Variants in CSMD1 observed in about 807,000 individuals in gnomAD.
CSMD1 encodes the protein CUB and Sushi multiple domains 1.
CSMD1 carries 213 observed loss-of-function variants against 417.5 expected under a neutral mutation model. That is an observed-to-expected ratio of 0.51 (90% CI 0.46 to 0.57). The LOEUF (loss-of-function observed/expected upper bound fraction) is 0.57. Among genes scored for constraint, CSMD1 ranks in the 20% least tolerant of loss-of-function variants. The probability of loss-of-function intolerance (pLI) is 0.00; values close to 1 mark genes in which losing one functional copy is unlikely to be tolerated. For synonymous variants in CSMD1, 2,862 were observed against 1,736.8 expected (o/e 1.65, Z -16.11); for missense variants, 6,923 against 4,529.7 (o/e 1.53, Z -15.17).
intron 1 of CSMD1, among the ~76,000 whole-genome samples, chr8:4,670,256 T>G (rs1365777235): frequency 2.0e-5 from 3 of 152,218 alleles, no homozygotes; most frequent in African/African-American, 7.2e-5. Flanking sequence ...AGGCATGGCC[T>G]TTAGTCTCCT....
intron 10 of CSMD1, among the ~76,000 whole-genome samples, chr8:3,549,990 G>C (rs758283011): frequency 2.0e-5 from 3 of 152,172 alleles, no homozygotes; most frequent in African/African-American, 7.2e-5. Context: ...GTTAATATAT[G>C]TGTTGCTTAT....
At chr8:4,358,633 A>C (rs1387750311) in intron 3 of CSMD1, among the ~76,000 whole-genome samples, 1 of 152,218 alleles carries the variant, frequency 6.6e-6, no homozygotes, top group Non-Finnish European at 1.5e-5. Context: ...TATATCATGC[A>C]ATAATTTATG....
At chr8:3,422,813 G>A (rs908811489) in intron 12 of CSMD1, among the ~76,000 whole-genome samples, 1 of 152,138 alleles carries the variant, frequency 6.6e-6, no homozygotes, top group Admixed American at 6.5e-5. Flanking sequence ...CAAGATAAAG[G>A]CACTGGGAAG....
At chr8:4,148,311 T>A (rs1329561087) in intron 3 of CSMD1, among the ~76,000 whole-genome samples, 2 of 132,270 alleles carry the variant, frequency 1.5e-5, no homozygotes, top group African/African-American at 5.8e-5. Context: ...AGGTGGGAAT[T>A]GAACAATGAG....
chr8:4,409,179 T>G (rs1038069698), intron 3 of CSMD1, among the ~76,000 whole-genome samples: 1 of 152,198 alleles, frequency 6.6e-6, no homozygotes, highest in Non-Finnish European at 1.5e-5. Flanking sequence ...AATGGGAGAT[T>G]TTTAAAAAAT....
At chr8:3,876,393 T>C (rs999116449) in intron 5 of CSMD1, among the ~76,000 whole-genome samples, 7 of 152,240 alleles carry the variant, frequency 4.6e-5, no homozygotes, top group African/African-American at 1.7e-4. Context: ...TAAACTTTCC[T>C]GTATTTCTAA....
chr8:3,060,272 A>C (rs1313730741), intron 49 of CSMD1, among the ~76,000 whole-genome samples: 1 of 151,256 alleles, frequency 6.6e-6, no homozygotes, highest in African/African-American at 2.4e-5. Context: ...CAGCCTCCTG[A>C]GTAGCTGGGA....
intron 34 of CSMD1, among the ~76,000 whole-genome samples, chr8:3,189,234 T>C (rs1471064989): frequency 6.6e-6 from 1 of 152,248 alleles, no homozygotes; most frequent in African/African-American, 2.4e-5. Flanking sequence ...CTTGAGTCTA[T>C]AAATAAATCT....
At chr8:4,052,056 C>G (rs1798460640) in intron 3 of CSMD1, among the ~76,000 whole-genome samples, 1 of 152,026 alleles carries the variant, frequency 6.6e-6, no homozygotes, top group African/African-American at 2.4e-5. Flanking sequence ...CTGCCTCAGC[C>G]TCCCAAGTAG....
intron 11 of CSMD1, among the ~76,000 whole-genome samples, chr8:3,470,588 T>A (rs1463520363): frequency 6.6e-6 from 1 of 152,164 alleles, no homozygotes; most frequent in East Asian, 1.9e-4. Flanking sequence ...TCTCGGCTCC[T>A]GAATCCACCG....
intron 5 of CSMD1, among the ~76,000 whole-genome samples, chr8:3,901,155 T>C (rs577673760): frequency 6.6e-5 from 10 of 152,256 alleles, no homozygotes; most frequent in South Asian, 4.1e-4. Context: ...CGTGGAGAAA[T>C]AGTATATCCT....
At chr8:3,968,077 C>T (rs1171987046) in intron 5 of CSMD1, among the ~76,000 whole-genome samples, 4 of 151,194 alleles carry the variant, frequency 2.6e-5, no homozygotes, top group Non-Finnish European at 5.9e-5. Flanking sequence ...GTCCCAGCTC[C>T]TCGGCAGGCT....
At chr8:4,546,502 C>T (rs376260059) in intron 2 of CSMD1, among the ~76,000 whole-genome samples, 15 of 152,130 alleles carry the variant, frequency 9.9e-5, no homozygotes, top group Admixed American at 3.9e-4. Flanking sequence ...AAAAGATAAA[C>T]GGTGAATTTT....
At chr8:4,419,846 G>C (rs1725131) in intron 3 of CSMD1, 107 bp downstream of exon 3, 3 of 761,436 alleles carry the variant, frequency 3.9e-6, no homozygotes, top group Non-Finnish European at 6.6e-6. Flanking sequence ...CTACACCACG[G>C]AACGACCTGC....
intron 5 of CSMD1, chr8:3,949,972 C>G (rs1240278362): frequency 2.2e-6 from 1 of 455,808 alleles, no homozygotes; most frequent in Non-Finnish European, 4.4e-6. Flanking sequence ...AGCGACGTGT[C>G]TCCAGGCTTG....
At chr8:3,576,809 C>T (rs1343661229) in intron 9 of CSMD1, among the ~76,000 whole-genome samples, 1 of 152,060 alleles carries the variant, frequency 6.6e-6, no homozygotes, top group East Asian at 1.9e-4. Context: ...ATCTTAAAGC[C>T]CTCTAATATT....
At chr8:4,181,995 T>C (rs938017915) in intron 3 of CSMD1, among the ~76,000 whole-genome samples, 13 of 150,462 alleles carry the variant, frequency 8.6e-5, no homozygotes, top group Non-Finnish European at 1.6e-4. Flanking sequence ...AATGTTTACA[T>C]TTTTAAGTAC....
At chr8:4,665,688 T>C (rs1244729820) in intron 1 of CSMD1, among the ~76,000 whole-genome samples, 2 of 152,202 alleles carry the variant, frequency 1.3e-5, no homozygotes, top group African/African-American at 2.4e-5. Context: ...GTTGCATGGA[T>C]CCATAATCTA....
At chr8:3,458,140 T>C (rs550992172) in intron 12 of CSMD1, among the ~76,000 whole-genome samples, 48 of 152,276 alleles carry the variant, frequency 3.2e-4, no homozygotes, top group African/African-American at 1.2e-3. Context: ...CTACATCTTA[T>C]CTCAGTTTAC....
Sources: gnomAD v4.1 joint callset for allele counts (sites outside exome capture counted in the v4.1 genomes callset) on GRCh38, gnomAD v4.1.1 for gene constraint, MANE v1.5 for transcripts, NCBI Gene and HGNC (gene_info 2026-07-23, HGNC 2026-07-21) for gene names.